The following PEX7 variants were observed in gnomAD, a reference collection of about 807,000 sequenced individuals.
PEX7 encodes peroxisomal biogenesis factor 7.
In PEX7, 34 loss-of-function variants were observed where a neutral mutation model predicts 47.5. The ratio of observed to expected loss-of-function variants is 0.72; its 90% CI spans 0.54 to 0.95. PEX7 has a LOEUF of 0.95. PEX7 is among the 40% of genes least tolerant of loss of function. PEX7 has a pLI of 0.00. For synonymous variants in PEX7, 141 were observed against 148.8 expected (o/e 0.95, Z 0.38); for missense variants, 394 against 400.3 (o/e 0.98, Z 0.13).
intron 8 of PEX7, among the ~76,000 whole-genome samples, chr6:136,878,244 C>T (rs1775310979): frequency 6.6e-6 from 1 of 152,208 alleles, no homozygotes; most frequent in South Asian, 2.1e-4. Flanking sequence ...ATCATGTCAT[C>T]TGCAAACACA....
chr6:136,882,194 T>G (rs1775388674), intron 8 of PEX7, among the ~76,000 whole-genome samples: 1 of 148,266 alleles, frequency 6.7e-6, no homozygotes, highest in Admixed American at 6.7e-5. Context: ...TTTTTTTTTT[T>G]TTTGAGACAG....
chr6:136,837,626 G>C (rs1321473), intron 3 of PEX7, among the ~76,000 whole-genome samples: 97,500 of 151,864 alleles, frequency 0.64, 31,500 homozygotes, highest in African/African-American at 0.7. Context: ...AGTGTCTTTG[G>C]AGAAGTCATT....
intron 5 of PEX7, among the ~76,000 whole-genome samples, chr6:136,861,630 G>A (rs77621611): frequency 0.016 from 2,360 of 151,536 alleles, 68 homozygotes; most frequent in African/African-American, 0.054. Flanking sequence ...AATACCCTTC[G>A]CTCCCTTATG....
At chr6:136,863,179 T>C (rs1323332798) in intron 5 of PEX7, among the ~76,000 whole-genome samples, 2 of 152,192 alleles carry the variant, frequency 1.3e-5, no homozygotes, top group Non-Finnish European at 2.9e-5. Context: ...TTGTCACTAG[T>C]GGGTCCTGAA....
At position 136,822,808 on chromosome 6, in the gene PEX7, C is replaced by G. The variant is rs886061120; in HGVS notation, c.130+13C>G. ...TACGGCATCGCGGGTGAGGCGGCGC[C>G]GCGCAGCTGGGGCCGGGGGGCGGAG... is the stretch of plus-strand genomic sequence containing the variant. On this transcript the variant is annotated intron_variant, in intron 1 of 9. Coordinates refer to ENST00000318471, the MANE Select transcript of PEX7 (RefSeq NM_000288.4). 7.8e-7 allele frequency: 1 copy of G among 1,278,412 alleles called. No homozygotes were observed. Among genetic ancestry groups the G allele is most frequent in the Non-Finnish European group, 9.8e-7 (1 of 1,018,822 alleles). The allele number at this position is 1,278,412 out of a possible 1,614,324, so 79.2% of individuals were successfully genotyped here.
intron 9 of PEX7, among the ~76,000 whole-genome samples, chr6:136,912,558 C>G (rs1449749302): frequency 6.6e-6 from 1 of 152,156 alleles, no homozygotes; most frequent in Non-Finnish European, 1.5e-5. Context: ...TTTCTGAACT[C>G]TGTTCTCTTC....
intron 5 of PEX7, among the ~76,000 whole-genome samples, chr6:136,857,637 C>T (rs1197766794): frequency 1.3e-5 from 2 of 152,068 alleles, no homozygotes; most frequent in African/African-American, 4.8e-5. Flanking sequence ...AGATCAAGTT[C>T]TACTTTCCTG....
At chr6:136,873,326 A>T (rs1775213736) in intron 8 of PEX7, among the ~76,000 whole-genome samples, 1 of 152,160 alleles carries the variant, frequency 6.6e-6, no homozygotes, top group South Asian at 2.1e-4. Context: ...ATGTTTTGTA[A>T]ATAAACAGTG....
chr6:136,825,140 A>T, intron 1 of PEX7, 74 bp from the exon 2 acceptor site: 1 of 1,223,816 alleles, frequency 8.2e-7, no homozygotes, highest in Non-Finnish European at 1.2e-6. Context: ...GGTATCAATT[A>T]CTTGATAACT....
intron 8 of PEX7, among the ~76,000 whole-genome samples, chr6:136,896,881 A>G (rs1489020248): frequency 6.6e-6 from 1 of 152,248 alleles, no homozygotes; most frequent in East Asian, 1.9e-4. Flanking sequence ...ATCGGGACCC[A>G]GAAAATTAGA....
chr6:136,837,684 G>T (rs1439792149), intron 3 of PEX7, among the ~76,000 whole-genome samples: 1 of 152,114 alleles, frequency 6.6e-6, no homozygotes, highest in African/African-American at 2.4e-5. Context: ...GTGTCAGAAA[G>T]CAGGAAAGCT....
rs1774593241 is a variant in PEX7, at chr6:136,846,079, C to T, written c.424C>T (p.Pro142Ser). The T allele has an allele frequency of 1.2e-6, 2 of 1,603,786 alleles. No homozygotes were observed. Among genetic ancestry groups the T allele is most frequent in the Non-Finnish European group, 1.7e-6 (2 of 1,170,908 alleles). ...TCTATTCATTTATTTGTAGTGGGAT[C>T]CAACTGTTGGAAAGTCTCTGTGCAC... ...SWDQTVKLWD[P>S]TVGKSLCTFR... The change falls in exon 5 of 10, where the codon CCA becomes TCA. Residue 142 changes from proline to serine, a missense_variant. By Grantham distance (74) the Pro-to-Ser change is moderately conservative. Transcript: ENST00000318471.
intron 8 of PEX7, among the ~76,000 whole-genome samples, chr6:136,895,456 G>A (rs928382670): frequency 6.6e-6 from 1 of 152,038 alleles, no homozygotes; most frequent in Non-Finnish European, 1.5e-5. Context: ...TCCCCTTGAG[G>A]TGAAGAAATC....
chr6:136,867,472 G>A (rs925951653), intron 6 of PEX7, among the ~76,000 whole-genome samples: 5 of 151,022 alleles, frequency 3.3e-5, no homozygotes, highest in African/African-American at 7.3e-5. Context: ...ATATGTGTGC[G>A]TCTCAGTTTT....
intron 9 of PEX7, among the ~76,000 whole-genome samples, chr6:136,908,648 A>ACT (rs1775882994): frequency 6.6e-6 from 1 of 152,056 alleles, no homozygotes; most frequent in Admixed American, 6.5e-5. Context: ...CCACATGCAC[A>ACT]CTCATACTGT....
chr6:136,861,344 A>G (rs545469778), intron 5 of PEX7, among the ~76,000 whole-genome samples: 1 of 152,062 alleles, frequency 6.6e-6, no homozygotes, highest in Non-Finnish European at 1.5e-5. Flanking sequence ...TGACCTTCCA[A>G]AGTGCTAGGA....
chr6:136,881,136 G>A (rs1775370101), intron 8 of PEX7, among the ~76,000 whole-genome samples: 1 of 152,184 alleles, frequency 6.6e-6, no homozygotes, highest in African/African-American at 2.4e-5. Context: ...AAGCCAAAGG[G>A]AGATAAGTGT....
intron 8 of PEX7, among the ~76,000 whole-genome samples, chr6:136,873,124 T>G (rs1156671257): frequency 6.6e-6 from 1 of 152,154 alleles, no homozygotes; most frequent in Non-Finnish European, 1.5e-5. Flanking sequence ...GGCAAAACAT[T>G]GACATGGTTT....
intron 8 of PEX7, among the ~76,000 whole-genome samples, chr6:136,882,404 C>A (rs1302577532): frequency 6.6e-6 from 1 of 152,008 alleles, no homozygotes; most frequent in African/African-American, 2.4e-5. Flanking sequence ...TCTCGAACTC[C>A]TGACCTCAAG....
Sources: gnomAD v4.1 joint callset for allele counts (sites outside exome capture counted in the v4.1 genomes callset) on GRCh38, gnomAD v4.1.1 for gene constraint, MANE v1.5 for transcripts, NCBI Gene and HGNC (gene_info 2026-07-23, HGNC 2026-07-21) for gene names.